Variants in HNRNPF observed in about 807,000 individuals in gnomAD.
The protein encoded by HNRNPF is HnRNP F protein.
HNRNPF carries 2 observed loss-of-function variants against 26.0 expected under a neutral mutation model. The observed-to-expected ratio is 0.08, with a 90% CI of 0.03 to 0.24. The LOEUF (loss-of-function observed/expected upper bound fraction) is 0.24, where lower values mean the gene tolerates loss of function less well. Ranked by LOEUF, HNRNPF falls within the 10% of genes least tolerant of loss-of-function variation. The pLI, the probability that HNRNPF is intolerant of heterozygous loss-of-function variation, is 1.00. For synonymous variants in HNRNPF, 234 were observed against 211.5 expected, an observed-to-expected ratio of 1.11 and a Z score of -0.92; for missense variants, 299 against 539.2, an observed-to-expected ratio of 0.55 and a Z score of 4.41.
chr10:43,407,541 T>A (rs935776856), intron 1 of HNRNPF, among the ~76,000 whole-genome samples: 1 of 151,390 alleles, frequency 6.6e-6, no homozygotes, highest in East Asian at 1.9e-4. Flanking sequence ...GACTCTGCGG[T>A]TGGGGGAGCC....
intron 1 of HNRNPF, among the ~76,000 whole-genome samples, chr10:43,404,668 A>C (rs1838856691): frequency 6.6e-6 from 1 of 151,934 alleles, no homozygotes; most frequent in Non-Finnish European, 1.5e-5. Context: ...GACCAGCCTG[A>C]CCAACAAGTT....
chr10:43,400,515 G>T (rs1210918536), intron 1 of HNRNPF, among the ~76,000 whole-genome samples: 3 of 152,154 alleles, frequency 2.0e-5, no homozygotes, highest in Non-Finnish European at 2.9e-5. Flanking sequence ...ATTTGTTATG[G>T]ATGTTTTCCT....
rs1398316681 is a variant in HNRNPF at position 43,387,999 on chromosome 10, CGA to C, written c.-52-65_-52-64del. ...ACAGAAATTTTCCCCATTTTACAGA[CGA>C]GAGAGGTAGCAAGACATTAAGAAAT... On this transcript the variant is annotated intron_variant, in intron 3 of 3. Coordinates refer to ENST00000682386, the MANE Select transcript of HNRNPF (RefSeq NM_001098204.2). This position sits in a 1 kb window ranked among gnomAD's most constrained non-coding sequence, Gnocchi z 6.0. The C allele has an allele frequency of 1.5e-5, 12 of 812,854 alleles. No homozygotes were observed. The African/African-American group carries it at 1.6e-4, about 11-fold the overall frequency. The allele number at this position is 812,854 out of a possible 1,614,324, so 50.4% of individuals were successfully genotyped here.
intron 3 of HNRNPF, among the ~76,000 whole-genome samples, chr10:43,391,463 A>T (rs956655274): frequency 1.3e-5 from 2 of 152,222 alleles, no homozygotes; most frequent in South Asian, 4.2e-4. Context: ...CTCCAAAAAA[A>T]AACCCACCAC....
At position 43,396,522 on chromosome 10, in the gene HNRNPF, A is replaced by T. The variant is rs1272337374; in HGVS notation, c.-178T>A. ...GCGCGGCTGGCAGCCAAGAGCCCCG[A>T]AATTCCACCGAAGCTCAACCACGCA... On this transcript the variant is annotated 5_prime_UTR_variant, in exon 2 of 4. Coordinates refer to ENST00000682386, the MANE Select transcript of HNRNPF (RefSeq NM_001098204.2). 6.6e-6 allele frequency: 1 copy of T among 152,316 alleles called. No homozygotes were observed. The highest frequency in any genetic ancestry group is 1.5e-5 in the Non-Finnish European group (1 of 68,164). 9.4% of individuals were successfully genotyped at this position (152,316 alleles called of 1,614,324 possible). A position where few individuals can be genotyped will look rare whatever the true frequency, so the allele number is the denominator to read the frequency against.
At chr10:43,388,343 G>A (rs1410123864) in intron 3 of HNRNPF, among the ~76,000 whole-genome samples, 1 of 152,112 alleles carries the variant, frequency 6.6e-6, no homozygotes, top group African/African-American at 2.4e-5. Context: ...GTCTATGGTA[G>A]GATACTTTTA....
chr10:43,400,421 TCAC>T (rs927018235), intron 1 of HNRNPF, among the ~76,000 whole-genome samples: 76 of 152,340 alleles, frequency 5.0e-4, no homozygotes, highest in African/African-American at 1.8e-3. Flanking sequence ...TCGTGTCTGT[TCAC>T]CACATGAGAA....
chr10:43,403,243 C>G (rs1039227424), intron 1 of HNRNPF, among the ~76,000 whole-genome samples: 1 of 152,266 alleles, frequency 6.6e-6, no homozygotes, highest in South Asian at 2.1e-4. Flanking sequence ...GTCTTGGACT[C>G]CTGGCCTCAA....
At chr10:43,390,736 G>A (rs1395029394) in intron 3 of HNRNPF, among the ~76,000 whole-genome samples, 1 of 152,126 alleles carries the variant, frequency 6.6e-6, no homozygotes, top group Admixed American at 6.5e-5. Context: ...CTACTCCATG[G>A]ATGTACTGAG....
intron 2 of HNRNPF, 96 bp downstream of exon 2, chr10:43,396,360 C>G (rs1434230961): frequency 6.6e-6 from 1 of 151,636 alleles, no homozygotes; most frequent in African/African-American, 2.4e-5. Context: ...AGGCTGGGAG[C>G]GCGTCTGGCC....
rs570191296 is a variant in HNRNPF at position 43,406,261 on chromosome 10, A to T, written c.-247+2870T>A. On this transcript the variant is annotated intron_variant, in intron 1 of 3. Transcript: ENST00000682386. Reference sequence around the variant, plus strand: ...AGGCATCTACCCCCACCGGGCTCTCATTTGCCTCCAGGCTTTCCAAGGTTC... The same window carrying T: ...AGGCATCTACCCCCACCGGGCTCTCTTTTGCCTCCAGGCTTTCCAAGGTTC... Among the ~76,000 whole-genome samples, 231 of 152,268 alleles carry T rather than the reference A, an allele frequency of 1.5e-3. 1 individual carries two copies. Among genetic ancestry groups the T allele is most frequent in the African/African-American group, 5.1e-3 (214 of 41,560 alleles).
At chr10:43,398,933 A>G (rs1375135522) in intron 1 of HNRNPF, among the ~76,000 whole-genome samples, 1 of 152,250 alleles carries the variant, frequency 6.6e-6, no homozygotes, top group Admixed American at 6.5e-5. Flanking sequence ...GTGGGAAACT[A>G]CAAGGACAAA....
chr10:43,407,550 C>T (rs1477784369), intron 1 of HNRNPF, among the ~76,000 whole-genome samples: 2 of 152,108 alleles, frequency 1.3e-5, no homozygotes, highest in South Asian at 2.1e-4. Flanking sequence ...GTTGGGGGAG[C>T]CGGGCAGCCG....
intron 1 of HNRNPF, among the ~76,000 whole-genome samples, chr10:43,404,575 A>G (rs1313828000): frequency 6.6e-6 from 1 of 151,866 alleles, no homozygotes. Context: ...AACTACCTCC[A>G]GACTGGGTGC....
At chr10:43,404,296 G>A (rs953261317) in intron 1 of HNRNPF, among the ~76,000 whole-genome samples, 4 of 91,344 alleles carry the variant, frequency 4.4e-5, no homozygotes, top group African/African-American at 1.1e-4. Context: ...GTGAGAATCC[G>A]TCTATAAAAA....
At chr10:43,399,245 G>T (rs965709636) in intron 1 of HNRNPF, among the ~76,000 whole-genome samples, 1 of 151,948 alleles carries the variant, frequency 6.6e-6, no homozygotes, top group Non-Finnish European at 1.5e-5. Context: ...ACCAAGCCGG[G>T]CTAATTTTTT....
At chr10:43,398,073 G>A (rs543480735) in intron 1 of HNRNPF, among the ~76,000 whole-genome samples, 7 of 152,318 alleles carry the variant, frequency 4.6e-5, no homozygotes, top group Middle Eastern at 3.4e-3. Context: ...TGTCACCCAG[G>A]CTGGAGTGCA....
intron 1 of HNRNPF, among the ~76,000 whole-genome samples, chr10:43,400,036 T>C (rs984670243): frequency 4.6e-5 from 7 of 152,160 alleles, no homozygotes; most frequent in African/African-American, 1.7e-4. Flanking sequence ...TTTTCCTTGA[T>C]AAATAGCTGA....
At chr10:43,405,169 ATAG>A (rs1315405820) in intron 1 of HNRNPF, among the ~76,000 whole-genome samples, 10 of 152,372 alleles carry the variant, frequency 6.6e-5, no homozygotes, top group African/African-American at 1.9e-4. Flanking sequence ...TACATGCAAA[ATAG>A]TAGTGGATAT....
Sources: allele counts gnomAD v4.1 joint callset (sites outside exome capture counted in the v4.1 genomes callset), GRCh38; gene constraint gnomAD v4.1.1; non-coding constraint Gnocchi (gnomAD v3.1); transcripts MANE v1.5; gene names NCBI Gene and HGNC (gene_info 2026-07-23, HGNC 2026-07-21).